The following ZNF804B variants were observed in gnomAD, a reference collection of about 807,000 sequenced individuals.
ZNF804B encodes zinc finger 804B.
Under a neutral mutation model 101.4 loss-of-function variants are expected in ZNF804B, and 80 were observed. That is an observed-to-expected ratio of 0.79 (90% CI 0.66 to 0.95). The LOEUF (loss-of-function observed/expected upper bound fraction) is 0.95. Among genes scored for constraint, ZNF804B ranks in the 40% least tolerant of loss-of-function variants. ZNF804B has a pLI of 0.00. For synonymous variants in ZNF804B, 622 were observed against 558.8 expected (o/e 1.11, Z -1.59); for missense variants, 1,673 against 1,561.9 (o/e 1.07, Z -1.20).
chr7:89,261,469 A>T (rs770509678), intron 2 of ZNF804B, among the ~76,000 whole-genome samples: 1 of 152,162 alleles, frequency 6.6e-6, no homozygotes, highest in African/African-American at 2.4e-5. Flanking sequence ...AATACTGTGC[A>T]TAAGTGACCT....
intron 1 of ZNF804B, among the ~76,000 whole-genome samples, chr7:89,018,107 C>T (rs1347512617): frequency 6.6e-6 from 1 of 152,030 alleles, no homozygotes; most frequent in Non-Finnish European, 1.5e-5. Context: ...TATTAGAGGA[C>T]AGGCTTTCCG....
intron 1 of ZNF804B, among the ~76,000 whole-genome samples, chr7:89,212,737 A>G (rs771923071): frequency 6.6e-6 from 1 of 152,158 alleles, no homozygotes; most frequent in Non-Finnish European, 1.5e-5. Flanking sequence ...CACCTTTACA[A>G]GTAAAGATTT....
chr7:89,270,978 G>T (rs986791410), intron 2 of ZNF804B, among the ~76,000 whole-genome samples: 1 of 152,100 alleles, frequency 6.6e-6, no homozygotes, highest in Non-Finnish European at 1.5e-5. Flanking sequence ...TGAGACAATG[G>T]GGTTTTCTAG....
At chr7:88,918,189 T>C (rs1010713106) in intron 1 of ZNF804B, among the ~76,000 whole-genome samples, 1 of 152,128 alleles carries the variant, frequency 6.6e-6, no homozygotes, top group Non-Finnish European at 1.5e-5. Context: ...AGATAAACAG[T>C]GAGCCTTAGA....
At chr7:89,120,291 A>G (rs912915106) in intron 1 of ZNF804B, among the ~76,000 whole-genome samples, 2 of 151,756 alleles carry the variant, frequency 1.3e-5, no homozygotes, top group African/African-American at 4.8e-5. Flanking sequence ...TCCATCTAAA[A>G]AACAAAGAAA....
chr7:89,283,411 G>A (rs1790129682), intron 2 of ZNF804B, among the ~76,000 whole-genome samples: 2 of 152,096 alleles, frequency 1.3e-5, no homozygotes, highest in Non-Finnish European at 2.9e-5. Flanking sequence ...AAATGTGTAT[G>A]TGTATTAGAG....
intron 1 of ZNF804B, among the ~76,000 whole-genome samples, chr7:88,888,538 T>C (rs1431151365): frequency 6.6e-6 from 1 of 152,136 alleles, no homozygotes; most frequent in Non-Finnish European, 1.5e-5. Flanking sequence ...AGATGATTAA[T>C]GCCAGAAACT....
In ZNF804B at chr7:89,335,811, T is replaced by C; in HGVS notation, c.2829T>C (p.Asn943=). The C allele has an allele frequency of 6.2e-7, 1 of 1,614,062 alleles. No individual in the cohort carries two copies. Among genetic ancestry groups the C allele is most frequent in the Non-Finnish European group, 8.5e-7 (1 of 1,179,966 alleles). ...AGAAATGTCAAGAACAATCAAGTAA[T>C]GTTGAGATCTCTTCAAACAGTTGTA... The part of the protein sequence containing the change: ...QAKKCQEQSS[N]VEISSNSCKS... The change falls in exon 4 of 4, where the codon AAT becomes AAC. Residue 943 remains asparagine, a synonymous_variant. Transcript: ENST00000333190.
intron 1 of ZNF804B, among the ~76,000 whole-genome samples, chr7:88,782,264 C>T (rs572199168): frequency 6.6e-6 from 1 of 152,016 alleles, no homozygotes; most frequent in East Asian, 1.9e-4. Flanking sequence ...CCATGGGCAG[C>T]TCTATCAGAA....
chr7:89,316,982 C>T (rs1790742841), intron 2 of ZNF804B, among the ~76,000 whole-genome samples: 1 of 152,200 alleles, frequency 6.6e-6, no homozygotes, highest in Non-Finnish European at 1.5e-5. Flanking sequence ...CCAGCAAACA[C>T]TCCCTTTACT....
chr7:88,881,161 A>G (rs1359259602), intron 1 of ZNF804B, among the ~76,000 whole-genome samples: 1 of 152,110 alleles, frequency 6.6e-6, no homozygotes, highest in African/African-American at 2.4e-5. Context: ...AATGGACTAT[A>G]GGTTATTTAT....
chr7:88,768,663 A>G (rs1052199672), intron 1 of ZNF804B, among the ~76,000 whole-genome samples: 1 of 152,226 alleles, frequency 6.6e-6, no homozygotes, highest in Non-Finnish European at 1.5e-5. Context: ...AGTTGCCATG[A>G]GCCGAGATAG....
chr7:89,198,930 G>A (rs1788592739), intron 1 of ZNF804B, among the ~76,000 whole-genome samples: 1 of 151,852 alleles, frequency 6.6e-6, no homozygotes, highest in Admixed American at 6.6e-5. Flanking sequence ...TTTCTAACAA[G>A]TAACTTATCG....
intron 1 of ZNF804B, among the ~76,000 whole-genome samples, chr7:89,005,009 T>C (rs1213161790): frequency 6.6e-6 from 1 of 151,992 alleles, no homozygotes; most frequent in Non-Finnish European, 1.5e-5. Flanking sequence ...ATACTTGGAT[T>C]ATTAAAGTAC....
chr7:89,255,397 TGGTGAGGAAGAG>T (rs1789612636), intron 2 of ZNF804B, among the ~76,000 whole-genome samples: 1 of 151,900 alleles, frequency 6.6e-6, no homozygotes, highest in Non-Finnish European at 1.5e-5. Flanking sequence ...AACAGAACAG[TGGTGAGGAAGAG>T]ATAGACAAGT....
At chr7:89,307,381 T>C (rs1217809887) in intron 2 of ZNF804B, among the ~76,000 whole-genome samples, 1 of 152,056 alleles carries the variant, frequency 6.6e-6, no homozygotes, top group Non-Finnish European at 1.5e-5. Context: ...TTAAACACTA[T>C]CCAAGTTTTA....
At chr7:89,038,930 T>C (rs960202893) in intron 1 of ZNF804B, among the ~76,000 whole-genome samples, 21 of 152,090 alleles carry the variant, frequency 1.4e-4, no homozygotes, top group Admixed American at 6.6e-5. Flanking sequence ...ATCTCCACCA[T>C]GTATTTGTGG....
intron 1 of ZNF804B, among the ~76,000 whole-genome samples, chr7:88,838,303 A>G (rs187170337): frequency 9.0e-4 from 137 of 152,042 alleles, no homozygotes; most frequent in Middle Eastern, 3.4e-3. Context: ...CCCAAATCAT[A>G]AGCTAATGTG....
intron 1 of ZNF804B, among the ~76,000 whole-genome samples, chr7:89,201,257 G>C (rs528975683): frequency 1.3e-5 from 2 of 152,142 alleles, no homozygotes; most frequent in East Asian, 3.9e-4. Context: ...TAGTAACAGA[G>C]CATGTAAGCT....
Sources: allele counts gnomAD v4.1 joint callset (sites outside exome capture counted in the v4.1 genomes callset), GRCh38; gene constraint gnomAD v4.1.1; transcripts MANE v1.5; gene names NCBI Gene and HGNC (gene_info 2026-07-23, HGNC 2026-07-21).